The following SNTG1 variants were observed in gnomAD, a reference collection of about 807,000 sequenced individuals.
SNTG1 encodes the protein gamma-1-syntrophin.
Under a neutral mutation model 74.7 loss-of-function variants are expected in SNTG1, and 39 were observed. That is an observed-to-expected ratio of 0.52 (90% CI 0.40 to 0.68). The LOEUF is 0.68. Among genes scored for constraint, SNTG1 ranks in the 30% least tolerant of loss-of-function variants. The probability of loss-of-function intolerance (pLI) is 0.00; values close to 1 mark genes in which losing one functional copy is unlikely to be tolerated. For missense variants in SNTG1, 685 were observed against 609.5 expected, an observed-to-expected ratio of 1.12 and a Z score of -1.30; for synonymous variants, 254 against 217.1, an observed-to-expected ratio of 1.17 and a Z score of -1.49.
chr8:50,705,635 G>A (rs2095441033), intron 16 of SNTG1, among the ~76,000 whole-genome samples: 1 of 151,798 alleles, frequency 6.6e-6, no homozygotes, highest in Non-Finnish European at 1.5e-5. Context: ...GTTATTCCCT[G>A]CACTAAATTA....
At chr8:50,508,969 G>A (rs1426346397) in intron 9 of SNTG1, among the ~76,000 whole-genome samples, 3 of 151,994 alleles carry the variant, frequency 2.0e-5, no homozygotes, top group Non-Finnish European at 4.4e-5. Context: ...CATTGCTTTT[G>A]GTGTTTTAGA....
chr8:50,014,571 C>T (rs552172003), intron 1 of SNTG1, among the ~76,000 whole-genome samples: 6 of 152,266 alleles, frequency 3.9e-5, no homozygotes, highest in South Asian at 2.1e-4. Flanking sequence ...ACTGACCTTA[C>T]GGTCCTCCCT....
At chr8:50,545,466 TATA>T (rs538592048) in intron 11 of SNTG1, among the ~76,000 whole-genome samples, 49 of 147,090 alleles carry the variant, frequency 3.3e-4, no homozygotes, top group Non-Finnish European at 7.0e-4. Flanking sequence ...TGTCACTTTA[TATA>T]ATATTATATA....
At chr8:50,236,531 A>G (rs2085909531) in intron 2 of SNTG1, among the ~76,000 whole-genome samples, 1 of 149,920 alleles carries the variant, frequency 6.7e-6, no homozygotes, top group South Asian at 2.1e-4. Flanking sequence ...GCTCACTGCA[A>G]GCTCCACCTC....
rs114724725 is a variant in SNTG1, at chr8:50,737,676, C to A, written c.1285-14325C>A. Among the ~76,000 whole-genome samples the A allele has an allele frequency of 9.0e-3, 1,376 of 152,128 alleles. 29 individuals carry two copies. Among genetic ancestry groups the A allele is most frequent in the African/African-American group, 0.031 (1,303 of 41,498 alleles). On this transcript the variant is annotated intron_variant, in intron 17 of 18. Coordinates refer to ENST00000642720, the MANE Select transcript of SNTG1 (RefSeq NM_018967.5). ...AAATCCTCAATAAAATATGGGCAAA[C>A]GAAATCCAGCAGCACATCAAAAAGC... is the stretch of plus-strand genomic sequence containing the variant.
At chr8:50,337,928 A>G (rs959731846) in intron 2 of SNTG1, among the ~76,000 whole-genome samples, 2 of 152,154 alleles carry the variant, frequency 1.3e-5, no homozygotes, top group Non-Finnish European at 2.9e-5. Flanking sequence ...TGAGGTCAGG[A>G]GATCGAGACC....
In SNTG1 at chr8:50,150,445, TGA is replaced by T. The variant is rs780016680; in HGVS notation, c.-102-22110_-102-22109del. On this transcript the variant is annotated intron_variant, in intron 1 of 18. Transcript: ENST00000642720. ...CCAACACTATGTTGAATAGGAGTGG[TGA>T]GAGAGGGCATCCCTGTCTTGTGCCA... Among the ~76,000 whole-genome samples, 9 of 152,306 alleles carry T rather than the reference TGA, an allele frequency of 5.9e-5. No individual in the cohort carries two copies. In the South Asian group the frequency reaches 8.3e-4, roughly 14 times the overall value.
At chr8:50,248,771 G>A (rs942126179) in intron 2 of SNTG1, among the ~76,000 whole-genome samples, 7 of 152,160 alleles carry the variant, frequency 4.6e-5, no homozygotes, top group Non-Finnish European at 8.8e-5. Flanking sequence ...TAAAGATGGT[G>A]GTGCTGCTGA....
At chr8:50,074,610 C>T (rs1273612075) in intron 1 of SNTG1, among the ~76,000 whole-genome samples, 1 of 152,174 alleles carries the variant, frequency 6.6e-6, no homozygotes, top group Non-Finnish European at 1.5e-5. Flanking sequence ...ATTATAGTAA[C>T]ATTAAAGATA....
At chr8:50,327,972 C>G (rs2090818762) in intron 2 of SNTG1, among the ~76,000 whole-genome samples, 1 of 152,106 alleles carries the variant, frequency 6.6e-6, no homozygotes, top group Non-Finnish European at 1.5e-5. Flanking sequence ...TATCTCATTT[C>G]TTTTATCTTT....
At chr8:50,121,719 A>G (rs1162519348) in intron 1 of SNTG1, among the ~76,000 whole-genome samples, 2 of 141,684 alleles carry the variant, frequency 1.4e-5, no homozygotes, top group African/African-American at 5.1e-5. Flanking sequence ...AAATAAGCCA[A>G]ACTTGGTGGC....
chr8:50,487,908 T>A (rs2093813208), intron 8 of SNTG1, among the ~76,000 whole-genome samples: 1 of 152,210 alleles, frequency 6.6e-6, no homozygotes, highest in South Asian at 2.1e-4. Context: ...TCTTCATTGC[T>A]TATTCTGTGT....
Position 50,607,608 on chromosome 8 carries a change from G to T in SNTG1, c.849+16691G>T, listed in dbSNP as rs185553566. Among the ~76,000 whole-genome samples, 31 of 151,362 alleles carry T rather than the reference G, an allele frequency of 2.0e-4. No homozygotes were observed. The East Asian group carries it at 4.3e-3, about 21-fold the overall frequency. ...CCTCTCTCTTTTTTGTAATTTATCA[G>T]TCAACATAAAGCCTTATCAATTTTG... On this transcript the variant is annotated intron_variant, in intron 13 of 18. Coordinates refer to ENST00000642720, the MANE Select transcript of SNTG1 (RefSeq NM_018967.5).
chr8:50,669,778 T>C (rs910887920), intron 15 of SNTG1, among the ~76,000 whole-genome samples: 5 of 152,132 alleles, frequency 3.3e-5, no homozygotes, highest in Non-Finnish European at 2.9e-5. Flanking sequence ...TGAACATTGA[T>C]GCAAAAATCC....
At chr8:50,161,637 A>G (rs985959768) in intron 1 of SNTG1, among the ~76,000 whole-genome samples, 1 of 152,114 alleles carries the variant, frequency 6.6e-6, no homozygotes, top group Non-Finnish European at 1.5e-5. Flanking sequence ...AGTTCAGAGA[A>G]ATCTCTGGCC....
chr8:50,787,155 C>A (rs118159421), intron 18 of SNTG1, among the ~76,000 whole-genome samples: 574 of 151,368 alleles, frequency 3.8e-3, no homozygotes, highest in Non-Finnish European at 4.9e-3. Context: ...AACATAAATA[C>A]CCCAAATAAA....
At chr8:50,516,022 C>T (rs898378831) in intron 9 of SNTG1, among the ~76,000 whole-genome samples, 4 of 152,078 alleles carry the variant, frequency 2.6e-5, no homozygotes, top group South Asian at 2.1e-4. Context: ...CAGCAGAGGT[C>T]GACAGAAACC....
At chr8:50,350,605 G>A (rs559130902) in intron 2 of SNTG1, among the ~76,000 whole-genome samples, 7 of 150,794 alleles carry the variant, frequency 4.6e-5, no homozygotes, top group East Asian at 3.9e-4. Flanking sequence ...TACACCAATC[G>A]GCACTCTGTA....
intron 4 of SNTG1, among the ~76,000 whole-genome samples, chr8:50,434,583 A>G (rs1466241558): frequency 6.6e-6 from 1 of 152,154 alleles, no homozygotes; most frequent in Admixed American, 6.5e-5. Context: ...TCGCCATTCT[A>G]ACTGGTGTGA....
Sources: allele counts gnomAD v4.1 joint callset (sites outside exome capture counted in the v4.1 genomes callset), GRCh38; gene constraint gnomAD v4.1.1; transcripts MANE v1.5; gene names NCBI Gene and HGNC (gene_info 2026-07-23, HGNC 2026-07-21).